Variants in TMEM117 observed in about 807,000 individuals in gnomAD.
The protein encoded by TMEM117 is transmembrane protein 117.
In TMEM117, 27 loss-of-function variants were observed where a neutral mutation model predicts 52.4. The ratio of observed to expected loss-of-function variants is 0.51; its 90% confidence interval spans 0.38 to 0.71. The LOEUF (loss-of-function observed/expected upper bound fraction) is 0.71, where lower values mean the gene tolerates loss of function less well. TMEM117 is among the 30% of genes least tolerant of loss of function. The pLI, the probability that TMEM117 is intolerant of heterozygous loss-of-function variation, is 0.00. For synonymous variants in TMEM117, 215 were observed against 206.3 expected, an observed-to-expected ratio of 1.04 and a Z score of -0.36; for missense variants, 556 against 630.5, an observed-to-expected ratio of 0.88 and a Z score of 1.26.
chr12:43,885,726 A>G (rs1943982422), intron 2 of TMEM117, among the ~76,000 whole-genome samples: 1 of 152,200 alleles, frequency 6.6e-6, no homozygotes, highest in Non-Finnish European at 1.5e-5. Flanking sequence ...TGTATACAAT[A>G]AATTTCACCA....
chr12:44,346,163 A>AGAC (rs1478815891), intron 6 of TMEM117, among the ~76,000 whole-genome samples: 1 of 152,148 alleles, frequency 6.6e-6, no homozygotes, highest in Non-Finnish European at 1.5e-5. Context: ...CTGGGAAACA[A>AGAC]GACTTCTATT....
intron 5 of TMEM117, among the ~76,000 whole-genome samples, chr12:44,282,655 G>A (rs1183530099): frequency 6.6e-6 from 1 of 152,202 alleles, no homozygotes; most frequent in Non-Finnish European, 1.5e-5. Flanking sequence ...TTTTATAAGG[G>A]AAGCAGAGCA....
chr12:44,327,087 T>A (rs1288339064), intron 6 of TMEM117, among the ~76,000 whole-genome samples: 1 of 152,178 alleles, frequency 6.6e-6, no homozygotes, highest in Non-Finnish European at 1.5e-5. Flanking sequence ...ATTTAATATT[T>A]ATTGGCTATA....
chr12:44,086,979 A>G (rs1277478988), intron 3 of TMEM117, among the ~76,000 whole-genome samples: 1 of 147,460 alleles, frequency 6.8e-6, no homozygotes, highest in Non-Finnish European at 1.5e-5. Context: ...TAAATTATAT[A>G]ATATATAATT....
intron 2 of TMEM117, among the ~76,000 whole-genome samples, chr12:43,886,932 C>A (rs1020279310): frequency 6.6e-6 from 1 of 152,150 alleles, no homozygotes; most frequent in Non-Finnish European, 1.5e-5. Context: ...ACTGCAACTT[C>A]TGCCTCCTGG....
chr12:44,274,273 A>G (rs1243472629), intron 5 of TMEM117, among the ~76,000 whole-genome samples: 2 of 152,142 alleles, frequency 1.3e-5, no homozygotes, highest in Non-Finnish European at 2.9e-5. Flanking sequence ...TAGTAATGAA[A>G]ACTATAAAAC....
intron 2 of TMEM117, among the ~76,000 whole-genome samples, chr12:43,922,507 T>C (rs1944711815): frequency 6.6e-6 from 1 of 152,148 alleles, no homozygotes; most frequent in Non-Finnish European, 1.5e-5. Flanking sequence ...GAGTGACACA[T>C]TTGGTAAATT....
chr12:44,303,353 T>C (rs1432081200), intron 6 of TMEM117, among the ~76,000 whole-genome samples: 5 of 152,148 alleles, frequency 3.3e-5, no homozygotes, highest in Non-Finnish European at 7.4e-5. Context: ...CCAGCTGGTA[T>C]TGTAATTTTT....
chr12:44,038,917 A>G (rs1418342190), intron 3 of TMEM117, among the ~76,000 whole-genome samples: 1 of 152,218 alleles, frequency 6.6e-6, no homozygotes, highest in East Asian at 1.9e-4. Flanking sequence ...CTACAACAGT[A>G]TCCATTTCAT....
intron 4 of TMEM117, among the ~76,000 whole-genome samples, chr12:44,177,984 G>A (rs188631529): frequency 1.2e-4 from 19 of 152,048 alleles, no homozygotes; most frequent in Middle Eastern, 3.4e-3. Context: ...TTACTCTTCC[G>A]TATGACAAAC....
intron 3 of TMEM117, among the ~76,000 whole-genome samples, chr12:44,089,990 C>T (rs982738070): frequency 6.6e-6 from 1 of 152,162 alleles, no homozygotes; most frequent in Non-Finnish European, 1.5e-5. Context: ...ATTAGCAATA[C>T]TTACCACATA....
chr12:44,189,046 T>C (rs1949317522), intron 4 of TMEM117, among the ~76,000 whole-genome samples: 1 of 152,192 alleles, frequency 6.6e-6, no homozygotes, highest in Admixed American at 6.6e-5. Flanking sequence ...CTTAAATATT[T>C]ATCTTTTCTT....
At chr12:43,921,204 C>T (rs1031029768) in intron 2 of TMEM117, among the ~76,000 whole-genome samples, 2 of 152,150 alleles carry the variant, frequency 1.3e-5, no homozygotes, top group Admixed American at 6.6e-5. Flanking sequence ...TCTACCCACC[C>T]GTCTCTAGCC....
intron 3 of TMEM117, among the ~76,000 whole-genome samples, chr12:43,973,254 C>G (rs1452631860): frequency 6.6e-6 from 1 of 152,024 alleles, no homozygotes; most frequent in African/African-American, 2.4e-5. Context: ...CTTAAGGCCT[C>G]TCATGTGTGC....
At chr12:44,210,918 G>A (rs553298747) in intron 4 of TMEM117, among the ~76,000 whole-genome samples, 12 of 152,102 alleles carry the variant, frequency 7.9e-5, no homozygotes, top group East Asian at 1.9e-4. Context: ...TAATGATATC[G>A]CTAAAAATCT....
chr12:44,246,788 A>G (rs1950136131), intron 5 of TMEM117, among the ~76,000 whole-genome samples: 1 of 152,194 alleles, frequency 6.6e-6, no homozygotes, highest in African/African-American at 2.4e-5. Flanking sequence ...GCAATTAAAT[A>G]TGTATGAAGA....
intron 5 of TMEM117, among the ~76,000 whole-genome samples, chr12:44,286,713 G>A (rs1264030516): frequency 6.6e-6 from 1 of 152,092 alleles, no homozygotes; most frequent in Non-Finnish European, 1.5e-5. Context: ...ATCTTGTTTT[G>A]GGAGATTATC....
At chr12:44,395,234 A>T in the TMEM117 span, among the ~76,000 whole-genome samples, 1 of 152,212 alleles carries the variant, frequency 6.6e-6, no homozygotes, top group Non-Finnish European at 1.5e-5. Flanking sequence ...TGAACTTCAA[A>T]TACACTAGAA....
chr12:43,834,715 T>C (rs1465157598), upstream of TMEM117, among the ~76,000 whole-genome samples: 2 of 152,228 alleles, frequency 1.3e-5, no homozygotes, highest in African/African-American at 4.8e-5. Flanking sequence ...CTCATTTTAG[T>C]AGACACCCAT....
Sources: allele counts gnomAD v4.1 joint callset (sites outside exome capture counted in the v4.1 genomes callset), GRCh38; gene constraint gnomAD v4.1.1; transcripts MANE v1.5; gene names NCBI Gene and HGNC (gene_info 2026-07-23, HGNC 2026-07-21).